Variants in PGM5 observed in about 807,000 individuals in gnomAD.
PGM5 encodes the protein phosphoglucomutase 5, also known as phosphoglucomutase-like protein 5.
A neutral mutation model predicts 59.2 loss-of-function variants in PGM5; 23 were observed. The ratio of observed to expected loss-of-function variants is 0.39; its 90% confidence interval spans 0.28 to 0.55. PGM5 has a LOEUF of 0.55. Ranked by LOEUF, PGM5 falls within the 20% of genes least tolerant of loss-of-function variation. PGM5 has a pLI of 0.66. For missense variants in PGM5, 574 were observed against 748.3 expected, an observed-to-expected ratio of 0.77 and a Z score of 2.72; for synonymous variants, 214 against 286.0, an observed-to-expected ratio of 0.75 and a Z score of 2.54.
At chr9:68,375,206 C>T (rs1233102219) in intron 1 of PGM5, among the ~76,000 whole-genome samples, 15 of 152,270 alleles carry the variant, frequency 9.9e-5, no homozygotes, top group African/African-American at 3.6e-4. Flanking sequence ...ATGGCCTCAC[C>T]ATGGAAGTCA....
intron 1 of PGM5, among the ~76,000 whole-genome samples, chr9:68,359,126 A>C (rs1834527542): frequency 6.6e-6 from 1 of 152,178 alleles, no homozygotes; most frequent in African/African-American, 2.4e-5. Context: ...GTTGATTTGC[A>C]TGGGAAAATT....
At chr9:68,514,008 G>A (rs532761188) in intron 10 of PGM5, among the ~76,000 whole-genome samples, 3 of 152,154 alleles carry the variant, frequency 2.0e-5, no homozygotes, top group South Asian at 4.1e-4. Flanking sequence ...TTTTAACAGC[G>A]CTTTATACTT....
chr9:68,400,580 G>A (rs1554680504), intron 6 of PGM5: 1 of 152,512 alleles, frequency 6.6e-6, no homozygotes, highest in African/African-American at 2.4e-5. Context: ...TGCTTCTTTT[G>A]ACTTTTTTAC....
intron 9 of PGM5, among the ~76,000 whole-genome samples, chr9:68,496,368 G>A (rs1170953115): frequency 1.3e-5 from 2 of 152,192 alleles, no homozygotes; most frequent in Admixed American, 1.3e-4. Context: ...CATGGTGCTG[G>A]GATTGTTGCA....
chr9:68,528,610 G>GA (rs968897940), intron 10 of PGM5, among the ~76,000 whole-genome samples: 1 of 151,654 alleles, frequency 6.6e-6, no homozygotes, highest in Admixed American at 6.6e-5. Context: ...ACTCTACATG[G>GA]AAAAAACAAT....
intron 6 of PGM5, among the ~76,000 whole-genome samples, chr9:68,436,916 A>AGTT (rs1823450813): frequency 6.6e-6 from 1 of 152,220 alleles, no homozygotes; most frequent in African/African-American, 2.4e-5. Flanking sequence ...CTCATTCAGG[A>AGTT]GTTTAACTTT....
intron 2 of PGM5, among the ~76,000 whole-genome samples, chr9:68,378,952 A>G (rs1389794974): frequency 2.6e-5 from 4 of 152,198 alleles, no homozygotes; most frequent in African/African-American, 9.7e-5. Flanking sequence ...TAAGAAATAG[A>G]TAACATGTAC....
chr9:68,390,353 G>A (rs1563990044), intron 4 of PGM5, among the ~76,000 whole-genome samples: 1 of 152,138 alleles, frequency 6.6e-6, no homozygotes, highest in Non-Finnish European at 1.5e-5. Flanking sequence ...GGTTTATATT[G>A]TATGTCCATC....
chr9:68,483,816 A>C, intron 8 of PGM5, 49 bp from the exon 9 acceptor site: 4 of 1,563,542 alleles, frequency 2.6e-6, no homozygotes, highest in Non-Finnish European at 3.5e-6. Context: ...TGGGCCACCC[A>C]GTTGCTGGTT....
At chr9:68,514,866 G>A (rs1824802494) in intron 10 of PGM5, among the ~76,000 whole-genome samples, 1 of 152,164 alleles carries the variant, frequency 6.6e-6, no homozygotes, top group African/African-American at 2.4e-5. Flanking sequence ...GATCCTTGAA[G>A]ACTTGTTCCT....
intron 6 of PGM5, among the ~76,000 whole-genome samples, chr9:68,443,586 C>A (rs1343839841): frequency 1.3e-5 from 2 of 152,164 alleles, no homozygotes; most frequent in African/African-American, 4.8e-5. Context: ...TTCTCTGGAG[C>A]AACTACCAAT....
intron 7 of PGM5, among the ~76,000 whole-genome samples, chr9:68,473,977 G>A (rs7030076): frequency 0.12 from 17,578 of 152,018 alleles, 1,805 homozygotes; most frequent in East Asian, 0.35. Flanking sequence ...AAGAGGAAGA[G>A]GCCTCACTCA....
intron 10 of PGM5, among the ~76,000 whole-genome samples, chr9:68,529,164 C>CGTGTGT (rs3223716): frequency 0.075 from 9,912 of 131,790 alleles, 438 homozygotes; most frequent in East Asian, 0.15. Flanking sequence ...CTTTTATTCT[C>CGTGTGT]GTGTGTGTGT....
intron 2 of PGM5, among the ~76,000 whole-genome samples, chr9:68,381,369 G>A (rs1554678298): frequency 6.6e-6 from 1 of 151,692 alleles, no homozygotes; most frequent in African/African-American, 2.4e-5. Flanking sequence ...TAGAAGGAAA[G>A]TTTCTCAACA....
In PGM5 at chr9:68,463,081, G is replaced by C. The variant is rs374037164; in HGVS notation, c.1044-2012G>C. On this transcript the variant is annotated intron_variant, in intron 6 of 10. Transcript: ENST00000396396. ...TGAAAAGTGCTTTTCAATGCAAACT[G>C]GAAGAGGCAGCCCACAGTTTTTCAG... Among the ~76,000 whole-genome samples, 88 of 152,164 alleles carry C rather than the reference G, an allele frequency of 5.8e-4. 1 individual carries two copies. The highest frequency in any genetic ancestry group is 2.0e-3 in the African/African-American group (85 of 41,518).
At chr9:68,392,279 A>G (rs544469323) in intron 5 of PGM5, 40 bp from the exon 6 acceptor site, 1 of 1,607,332 alleles carries the variant, frequency 6.2e-7, no homozygotes, top group East Asian at 2.2e-5. Flanking sequence ...CTGCTAGCAG[A>G]TGCTTCTGTC....
At chr9:68,473,135 C>T (rs1824048760) in intron 7 of PGM5, among the ~76,000 whole-genome samples, 3 of 152,314 alleles carry the variant, frequency 2.0e-5, no homozygotes, top group Admixed American at 1.3e-4. Flanking sequence ...AATTCTGTAG[C>T]ATGTTCTCAA....
At chr9:68,364,290 T>G (rs1177993325) in intron 1 of PGM5, among the ~76,000 whole-genome samples, 11 of 152,092 alleles carry the variant, frequency 7.2e-5, no homozygotes, top group Non-Finnish European at 1.5e-4. Flanking sequence ...GAAAAGCTGG[T>G]TGCTCTAAAG....
chr9:68,521,424 G>A (rs1824898276), intron 10 of PGM5, among the ~76,000 whole-genome samples: 1 of 152,234 alleles, frequency 6.6e-6, no homozygotes, highest in Admixed American at 6.5e-5. Context: ...GGAAAATGGA[G>A]AATGGAGAGA....
Sources: gnomAD v4.1 joint callset for allele counts (sites outside exome capture counted in the v4.1 genomes callset) on GRCh38, gnomAD v4.1.1 for gene constraint, MANE v1.5 for transcripts, NCBI Gene and HGNC (gene_info 2026-07-23, HGNC 2026-07-21) for gene names.